The following FOCAD variants were observed in gnomAD, a reference collection of about 807,000 sequenced individuals.
The protein encoded by FOCAD is KIAA1797.
In FOCAD, 198 loss-of-function variants were observed where a neutral mutation model predicts 225.6. The ratio of observed to expected loss-of-function variants is 0.88; its 90% CI spans 0.78 to 0.99. The LOEUF is 0.99. FOCAD is among the 50% of genes least tolerant of loss of function. The probability of loss-of-function intolerance (pLI) is 0.00; values close to 1 mark genes in which losing one functional copy is unlikely to be tolerated. For synonymous variants in FOCAD, 897 were observed against 755.0 expected (o/e 1.19, Z -3.08); for missense variants, 2,713 against 2,123.6 (o/e 1.28, Z -5.46).
At chr9:20,853,894 T>C (rs1827913879) in intron 15 of FOCAD, among the ~76,000 whole-genome samples, 1 of 151,754 alleles carries the variant, frequency 6.6e-6, no homozygotes, top group African/African-American at 2.4e-5. Context: ...TTTTTCTCAT[T>C]GTTTCTGCTC....
At chr9:20,981,749 G>C (rs1840720222) in intron 38 of FOCAD, 63 bp downstream of exon 38, 3 of 1,532,374 alleles carry the variant, frequency 2.0e-6, no homozygotes, top group African/African-American at 1.4e-5. Context: ...AAGGCTTCTT[G>C]GCAAAGTGGG....
intron 9 of FOCAD, 81 bp from the exon 10 acceptor site, chr9:20,781,646 A>G: frequency 1.6e-6 from 2 of 1,240,264 alleles, no homozygotes; most frequent in South Asian, 1.2e-5. Context: ...ACTTTCTTGC[A>G]TATCATTCTT....
chr9:20,667,762 T>C (rs1382285067), intron 2 of FOCAD, among the ~76,000 whole-genome samples: 2 of 152,168 alleles, frequency 1.3e-5, no homozygotes, highest in Admixed American at 1.3e-4. Flanking sequence ...GTGGAAAACC[T>C]TGGATTTCCA....
intron 22 of FOCAD, among the ~76,000 whole-genome samples, chr9:20,912,099 C>T (rs895728731): frequency 6.6e-6 from 1 of 152,074 alleles, no homozygotes; most frequent in Non-Finnish European, 1.5e-5. Context: ...TGTAAACTGG[C>T]ACATCTACTT....
chr9:20,800,845 A>G (rs948311240), intron 11 of FOCAD, among the ~76,000 whole-genome samples: 5 of 152,018 alleles, frequency 3.3e-5, no homozygotes, highest in Non-Finnish European at 7.4e-5. Context: ...TCTTCTCTCA[A>G]CTTGTCAAAG....
intron 7 of FOCAD, among the ~76,000 whole-genome samples, chr9:20,768,521 TCTC>T (rs1817828238): frequency 6.6e-6 from 1 of 151,766 alleles, no homozygotes; most frequent in African/African-American, 2.4e-5. Flanking sequence ...GGTTTGTAGT[TCTC>T]CTTGAAGAGG....
At chr9:20,725,781 T>G (rs752737988) in intron 4 of FOCAD, among the ~76,000 whole-genome samples, 4 of 152,190 alleles carry the variant, frequency 2.6e-5, no homozygotes, top group Non-Finnish European at 4.4e-5. Context: ...TGTCTAAACT[T>G]CAGGGAGTGG....
At chr9:20,920,742 T>A (rs1025641583) in intron 24 of FOCAD, among the ~76,000 whole-genome samples, 3 of 151,446 alleles carry the variant, frequency 2.0e-5, no homozygotes, top group Admixed American at 2.0e-4. Flanking sequence ...ATGTTCTTAC[T>A]CATAGGTGGG....
At chr9:20,672,374 G>A (rs1423888694) in intron 2 of FOCAD, among the ~76,000 whole-genome samples, 1 of 152,192 alleles carries the variant, frequency 6.6e-6, no homozygotes, top group Non-Finnish European at 1.5e-5. Context: ...TAAATATCAA[G>A]CCCTATGGCC....
intron 12 of FOCAD, 97 bp from the exon 13 acceptor site, chr9:20,820,225 GTC>G: frequency 1.2e-6 from 1 of 804,880 alleles, no homozygotes; most frequent in Non-Finnish European, 2.0e-6. Flanking sequence ...TTTCTTCTCA[GTC>G]TTCATTTTAT....
At chr9:20,781,678 G>T in intron 9 of FOCAD, 49 bp from the exon 10 acceptor site, 2 of 1,557,210 alleles carry the variant, frequency 1.3e-6, no homozygotes, top group South Asian at 2.2e-5. Context: ...CATTTTGTTT[G>T]ACTGTGGTAT....
In FOCAD at chr9:20,770,047, C is replaced by G. The variant is rs1323835003; in HGVS notation, c.715C>G (p.Gln239Glu). Residue 239 changes from glutamine to glutamate, a missense_variant, in exon 8 of 44, where the codon CAG becomes GAG. Transcript: ENST00000338382. The part of the protein sequence containing the change: ...VPCLQVKDLI[Q>E]TTEAMMFIEE... ...TTTTAAACAGGTAAAAGATTTGATA[C>G]AGACAACAGAGGCGATGATGTTTAT... 12 of 1,613,782 alleles carry G rather than the reference C, an allele frequency of 7.4e-6. No homozygotes were observed. Among genetic ancestry groups the G allele is most frequent in the Non-Finnish European group, 9.3e-6 (11 of 1,179,784 alleles).
At chr9:20,863,318 T>G (rs1027809618) in intron 16 of FOCAD, 3 of 152,206 alleles carry the variant, frequency 2.0e-5, no homozygotes, top group Middle Eastern at 3.4e-3. Flanking sequence ...TGATTTTCAC[T>G]TGCAGTCTTG....
At chr9:20,861,050 C>G (rs556086441) in intron 15 of FOCAD, among the ~76,000 whole-genome samples, 2 of 152,084 alleles carry the variant, frequency 1.3e-5, no homozygotes, top group African/African-American at 2.4e-5. Context: ...TTCATTCTTT[C>G]TTCAAATCTC....
At chr9:20,946,083 T>G (rs1212182684) in intron 29 of FOCAD, among the ~76,000 whole-genome samples, 1 of 76,246 alleles carries the variant, frequency 1.3e-5, no homozygotes, top group Non-Finnish European at 2.5e-5. Context: ...TTTTATTTAT[T>G]CATTCATTCA....
At chr9:20,734,863 C>T (rs1253348543) in intron 4 of FOCAD, among the ~76,000 whole-genome samples, 4 of 152,120 alleles carry the variant, frequency 2.6e-5, no homozygotes, top group Non-Finnish European at 5.9e-5. Context: ...TCTCAAATTC[C>T]TGGGCCCAAG....
At chr9:20,808,994 A>G (rs1275164842) in intron 11 of FOCAD, among the ~76,000 whole-genome samples, 2 of 152,190 alleles carry the variant, frequency 1.3e-5, no homozygotes, top group African/African-American at 2.4e-5. Context: ...ATATTCCCCC[A>G]AAAAATGTAT....
intron 35 of FOCAD, among the ~76,000 whole-genome samples, chr9:20,968,923 C>G (rs1210386740): frequency 1.3e-5 from 2 of 152,054 alleles, no homozygotes; most frequent in African/African-American, 4.8e-5. Context: ...TAGATGTCCC[C>G]CAGTATACTG....
rs149151534 is a variant in FOCAD, at chr9:20,710,966, A to G, written c.-32-4356A>G. Among the ~76,000 whole-genome samples the G allele has an allele frequency of 5.6e-3, 855 of 152,360 alleles. 2 individuals are homozygous for G. Among genetic ancestry groups the G allele is most frequent in the Admixed American group, 8.4e-3 (129 of 15,298 alleles). On this transcript the variant is annotated intron_variant, in intron 1 of 43. Transcript: ENST00000338382. ...AATAAAGTTTGATCAGAACACAGCT[A>G]TAGTCATTTATTTATGTATTGCCTA...
Sources: gnomAD v4.1 joint callset for allele counts (sites outside exome capture counted in the v4.1 genomes callset) on GRCh38, gnomAD v4.1.1 for gene constraint, MANE v1.5 for transcripts, NCBI Gene and HGNC (gene_info 2026-07-23, HGNC 2026-07-21) for gene names.